Variants in SRBD1 observed in about 807,000 individuals in gnomAD.
The protein encoded by SRBD1 is S1 RNA binding domain 1.
In SRBD1, 88 loss-of-function variants were observed where a neutral mutation model predicts 115.3. That is an observed-to-expected ratio of 0.76 (90% confidence interval 0.64 to 0.91). The LOEUF is 0.91. SRBD1 is among the 40% of genes least tolerant of loss of function. The pLI is 0.00. For missense variants in SRBD1, 1,385 were observed against 1,177.4 expected, an observed-to-expected ratio of 1.18 and a Z score of -2.58; for synonymous variants, 509 against 407.7, an observed-to-expected ratio of 1.25 and a Z score of -2.99.
chr2:45,500,897 C>T (rs1026135873), intron 14 of SRBD1, among the ~76,000 whole-genome samples: 1 of 152,078 alleles, frequency 6.6e-6, no homozygotes, highest in Non-Finnish European at 1.5e-5. Context: ...ATTTCTCTTG[C>T]CTAAATGCTC....
chr2:45,412,285 C>T (rs1272660092), intron 19 of SRBD1, among the ~76,000 whole-genome samples: 2 of 151,950 alleles, frequency 1.3e-5, no homozygotes. Flanking sequence ...CATCATAAAA[C>T]TGTTGGGGGA....
intron 1 of SRBD1, among the ~76,000 whole-genome samples, chr2:45,610,712 T>C (rs1397585331): frequency 6.6e-6 from 1 of 152,174 alleles, no homozygotes; most frequent in Non-Finnish European, 1.5e-5. Context: ...AGGGCCACCA[T>C]GACCGTGAAA....
intron 16 of SRBD1, among the ~76,000 whole-genome samples, chr2:45,452,504 T>A (rs2103746538): frequency 6.6e-6 from 1 of 152,096 alleles, no homozygotes. Context: ...GAGCTATAAC[T>A]CATGTTTAGT....
intron 19 of SRBD1, among the ~76,000 whole-genome samples, chr2:45,401,756 A>G (rs956544892): frequency 4.6e-5 from 7 of 152,234 alleles, no homozygotes; most frequent in Admixed American, 1.3e-4. Flanking sequence ...CCTGTAAGAA[A>G]AATTGCAAAT....
At chr2:45,582,857 T>C (rs1673407077) in intron 5 of SRBD1, among the ~76,000 whole-genome samples, 1 of 152,176 alleles carries the variant, frequency 6.6e-6, no homozygotes, top group South Asian at 2.1e-4. Context: ...GGAGTATCAC[T>C]GCTCAGGATG....
chr2:45,512,708 C>T (rs72880695), intron 14 of SRBD1, among the ~76,000 whole-genome samples: 1,608 of 152,178 alleles, frequency 0.011, 24 homozygotes, highest in African/African-American at 0.037. Flanking sequence ...GCTAAAGGAA[C>T]TACAAAGTTA....
At chr2:45,467,416 A>G (rs571887095) in intron 16 of SRBD1, among the ~76,000 whole-genome samples, 106 of 152,320 alleles carry the variant, frequency 7.0e-4, no homozygotes, top group Non-Finnish European at 1.3e-3. Context: ...TATACGATAA[A>G]TGCTAGTTAA....
intron 19 of SRBD1, among the ~76,000 whole-genome samples, chr2:45,408,663 T>A (rs989965529): frequency 3.3e-5 from 5 of 152,220 alleles, no homozygotes; most frequent in Non-Finnish European, 5.9e-5. Context: ...TACTTGGTGA[T>A]GTATTTCAAG....
chr2:45,427,757 T>G (rs1171878379), intron 16 of SRBD1, among the ~76,000 whole-genome samples: 7 of 152,138 alleles, frequency 4.6e-5, no homozygotes, highest in Admixed American at 2.0e-4. Flanking sequence ...ATCAAAAAGA[T>G]TATCCACTGA....
At chr2:45,491,730 A>G (rs1670297568) in intron 14 of SRBD1, among the ~76,000 whole-genome samples, 1 of 152,256 alleles carries the variant, frequency 6.6e-6, no homozygotes, top group African/African-American at 2.4e-5. Context: ...ACACTTATAA[A>G]GTAAAAAGCA....
chr2:45,546,755 A>G lies in SRBD1; in HGVS notation c.1851T>C (p.Phe617=). The change falls in exon 14 of 21, where the codon TTT becomes TTC. Residue 617 remains phenylalanine (F), a synonymous_variant. Coordinates refer to ENST00000263736, the MANE Select transcript of SRBD1 (RefSeq NM_018079.5). ...YFADLIMKNY[F]APLDVVYCIV... is the part of the protein sequence containing the mutation. ...ACCAGTAAACAACATCCAGTGGTGC[A>G]AAATAATTCTTCATTATCAGGTCAG... 6.2e-7 allele frequency: 1 copy of G among 1,614,134 alleles called. No individual in the cohort carries two copies. The highest frequency in any genetic ancestry group is 8.5e-7 in the Non-Finnish European group (1 of 1,179,980).
intron 4 of SRBD1, among the ~76,000 whole-genome samples, chr2:45,586,794 G>A (rs144759148): frequency 3.2e-4 from 48 of 149,698 alleles, no homozygotes; most frequent in African/African-American, 1.1e-3. Flanking sequence ...CAATCCTCCC[G>A]TCTCAGCCTC....
At chr2:45,520,058 G>C (rs1671235430) in intron 14 of SRBD1, among the ~76,000 whole-genome samples, 1 of 152,114 alleles carries the variant, frequency 6.6e-6, no homozygotes, top group Non-Finnish European at 1.5e-5. Context: ...TTTAAAGCAA[G>C]AGACACTAAC....
rs1672879797 is a variant in SRBD1 at position 45,567,797 on chromosome 2, TA to T, written c.1306-5042del. On this transcript the variant is annotated intron_variant, in intron 9 of 20. Transcript: ENST00000263736. ...TCTTCATACAAGAAATTTTCTCTAA[TA>T]AATTAAGTAGAGTACAACAATATAG... The T allele has an allele frequency of 3.9e-5, 6 of 152,212 alleles. No homozygotes were observed. The South Asian group carries it at 1.2e-3, about 31-fold the overall frequency. 9.4% of individuals were successfully genotyped at this position (152,212 alleles called of 1,614,324 possible). A position where few individuals can be genotyped will look rare whatever the true frequency, so the allele number is the denominator to read the frequency against.
chr2:45,483,018 G>A (rs925299288), intron 15 of SRBD1, among the ~76,000 whole-genome samples: 1 of 151,976 alleles, frequency 6.6e-6, no homozygotes, highest in East Asian at 1.9e-4. Flanking sequence ...CCGTGGGCAC[G>A]TGCACAGGGT....
At chr2:45,543,538 T>G (rs988872289) in intron 14 of SRBD1, among the ~76,000 whole-genome samples, 1 of 152,218 alleles carries the variant, frequency 6.6e-6, no homozygotes, top group Non-Finnish European at 1.5e-5. Flanking sequence ...TCAGATTATC[T>G]GTTCAGAAGG....
chr2:45,395,847 C>T (rs1484993379), intron 19 of SRBD1, among the ~76,000 whole-genome samples: 1 of 152,040 alleles, frequency 6.6e-6, no homozygotes, highest in Non-Finnish European at 1.5e-5. Flanking sequence ...CTTAAATATC[C>T]TAAGAAAAAT....
intron 16 of SRBD1, among the ~76,000 whole-genome samples, chr2:45,436,618 T>G (rs1017059358): frequency 1.3e-5 from 2 of 151,618 alleles, no homozygotes; most frequent in Non-Finnish European, 2.9e-5. Flanking sequence ...TGAGAGAGAG[T>G]GTGTGTCTAA....
At chr2:45,431,376 T>C (rs1668331425) in intron 16 of SRBD1, among the ~76,000 whole-genome samples, 1 of 152,122 alleles carries the variant, frequency 6.6e-6, no homozygotes, top group Non-Finnish European at 1.5e-5. Context: ...AGCAAAGACT[T>C]GGAACCAACC....
Sources: allele counts gnomAD v4.1 joint callset (sites outside exome capture counted in the v4.1 genomes callset), GRCh38; gene constraint gnomAD v4.1.1; transcripts MANE v1.5; gene names NCBI Gene and HGNC (gene_info 2026-07-23, HGNC 2026-07-21).